Variants in HMMR observed in about 807,000 individuals in gnomAD.
The protein encoded by HMMR is intracellular hyaluronic acid-binding protein.
In HMMR, 108 loss-of-function variants were observed where a neutral mutation model predicts 101.0. The observed-to-expected ratio is 1.07, with a 90% CI of 0.92 to 1.25. HMMR has a LOEUF of 1.25. Ranked by LOEUF, HMMR falls within the 50% of genes most tolerant of loss-of-function variation. The pLI, the probability that HMMR is intolerant of heterozygous loss-of-function variation, is 0.00. For synonymous variants in HMMR, 296 were observed against 276.4 expected (o/e 1.07, Z -0.70); for missense variants, 813 against 788.7 (o/e 1.03, Z -0.37).
At chr5:163,473,042 A>T (rs1758945474) in intron 7 of HMMR, 137 bp from the exon 8 acceptor site, 1 of 497,794 alleles carries the variant, frequency 2.0e-6, no homozygotes. Flanking sequence ...AATTTGAGAA[A>T]TTACATAAAA....
Position 163,475,497 on chromosome 5 carries a change from C to T in HMMR, c.1093C>T (p.Gln365Ter). ...TCTTCATCAGAAGCTCTGTTCTTTT[C>T]AAGAGGAAATGGTTAAAGAGAAGAA... ...SSLHQKLCSF[Q>*]EEMVKEKNLF... The change falls in exon 11 of 18, where the codon CAA becomes TAA. Residue 365 changes from glutamine (Q) to a stop codon, truncating the protein, a stop_gained. Coordinates refer to ENST00000393915, the MANE Select transcript of HMMR (RefSeq NM_001142556.2). LOFTEE classifies it high-confidence loss of function. 1 of 1,606,600 alleles carries T rather than the reference C, an allele frequency of 6.2e-7. No individual in the cohort carries two copies. Among genetic ancestry groups the T allele is most frequent in the East Asian group, 2.2e-5 (1 of 44,596 alleles).
chr5:163,483,183 A>G lies in HMMR; in HGVS notation c.1685+11A>G, dbSNP rs754830047. ...AGATGAAGAAGGAAGGTAATCTATG[A>G]TTAGAACCTGAGTGCCTTGTTAACT... On this transcript the variant is annotated intron_variant, in intron 14 of 17. Transcript: ENST00000393915. 2.5e-6 allele frequency: 4 copies of G among 1,608,750 alleles called. No homozygotes were observed. The African/African-American group carries it at 5.4e-5, about 22-fold the overall frequency.
At chr5:163,475,320 A>G in intron 10 of HMMR, 138 bp from the exon 11 acceptor site, 2 of 487,896 alleles carry the variant, frequency 4.1e-6, no homozygotes, top group Non-Finnish European at 7.3e-6. Flanking sequence ...CAAATATGCT[A>G]TTTCTATATT....
At chr5:163,484,754 C>T (rs994288676) in intron 16 of HMMR, among the ~76,000 whole-genome samples, 4 of 152,096 alleles carry the variant, frequency 2.6e-5, no homozygotes, top group African/African-American at 9.7e-5. Flanking sequence ...TTTCCTAACA[C>T]TCTCCTATCT....
chr5:163,485,225 G>A (rs530351271), intron 16 of HMMR, among the ~76,000 whole-genome samples: 30 of 152,218 alleles, frequency 2.0e-4, no homozygotes, highest in Non-Finnish European at 4.1e-4. Flanking sequence ...GATCGGGTGC[G>A]TTCAGGGTGG....
chr5:163,469,895 C>T (rs1031585918), intron 5 of HMMR, 66 bp downstream of exon 5: 18 of 1,099,024 alleles, frequency 1.6e-5, no homozygotes, highest in East Asian at 2.5e-5. Flanking sequence ...GGGCCGGGCA[C>T]GGTGGCTCAC....
intron 7 of HMMR, 57 bp downstream of exon 7, chr5:163,471,520 C>G (rs1264442107): frequency 1.4e-5 from 16 of 1,151,244 alleles, no homozygotes; most frequent in Admixed American, 1.9e-5. Context: ...TGATTTGAGT[C>G]TCTTCACAAA....
chr5:163,483,426 A>G (rs543148773), intron 15 of HMMR, 59 bp downstream of exon 15: 8 of 943,442 alleles, frequency 8.5e-6, no homozygotes, highest in East Asian at 7.2e-5. Flanking sequence ...TTTGTTCCCT[A>G]TTATAGTGAG....
chr5:163,476,805 A>G (rs1402031717), intron 11 of HMMR, among the ~76,000 whole-genome samples: 3 of 152,210 alleles, frequency 2.0e-5, no homozygotes, highest in Non-Finnish European at 4.4e-5. Flanking sequence ...CAAGGCAGCG[A>G]GATCACAAGG....
In HMMR at chr5:163,474,147, A is replaced by C; in HGVS notation, c.995A>C (p.Glu332Ala). The C allele has an allele frequency of 1.2e-6, 2 of 1,611,090 alleles. No homozygotes were observed. Among genetic ancestry groups the C allele is most frequent in the Non-Finnish European group, 1.7e-6 (2 of 1,178,318 alleles). ...CAGAAGTTTATTCTTGAACAACAGG[A>C]ACGTGAAAAGCTTCAACAAAAAGAA... is the stretch of plus-strand genomic sequence containing the variant. ...LKQKFILEQQEREKLQQKELQ... is the reference protein window; with the variant it reads ...LKQKFILEQQAREKLQQKELQ... Residue 332 changes from glutamate (E) to alanine (A), a missense_variant, in exon 10 of 18, where the codon GAA (glutamate) becomes GCA (alanine). Glu to Ala is a moderately radical substitution (Grantham distance 107). Coordinates refer to ENST00000393915, the MANE Select transcript of HMMR (RefSeq NM_001142556.2).
intron 4 of HMMR, among the ~76,000 whole-genome samples, chr5:163,468,887 G>A (rs1307916867): frequency 1.3e-5 from 2 of 150,636 alleles, no homozygotes; most frequent in African/African-American, 4.9e-5. Context: ...GTTTTTTTTT[G>A]TTTTTTGTTT....
intron 16 of HMMR, among the ~76,000 whole-genome samples, 165 bp downstream of exon 16, chr5:163,484,410 G>A (rs921752371): frequency 6.6e-6 from 1 of 152,020 alleles, no homozygotes. Context: ...TTGACCAGAT[G>A]GGCATTCAAT....
chr5:163,477,070 A>G (rs890269338), intron 11 of HMMR, among the ~76,000 whole-genome samples: 24 of 151,834 alleles, frequency 1.6e-4, no homozygotes, highest in Non-Finnish European at 1.3e-4. Context: ...TTTTTCCCGA[A>G]CTCTAGTTCC....
At chr5:163,461,420 C>A (rs1390201041) in intron 1 of HMMR, among the ~76,000 whole-genome samples, 1 of 152,144 alleles carries the variant, frequency 6.6e-6, no homozygotes, top group Non-Finnish European at 1.5e-5. Flanking sequence ...ACCCAGCCCC[C>A]ATCGTGTGCT....
At chr5:163,485,713 T>C (rs904381697) in intron 16 of HMMR, among the ~76,000 whole-genome samples, 11 of 152,218 alleles carry the variant, frequency 7.2e-5, no homozygotes, top group Non-Finnish European at 1.3e-4. Flanking sequence ...GGTATCTATC[T>C]CCTCTGCCAA....
chr5:163,480,081 A>C (rs541790174), intron 12 of HMMR, among the ~76,000 whole-genome samples: 1 of 152,354 alleles, frequency 6.6e-6, no homozygotes, highest in African/African-American at 2.4e-5. Flanking sequence ...TAAAACTGAC[A>C]TGCATGAACC....
intron 1 of HMMR, among the ~76,000 whole-genome samples, chr5:163,462,811 G>T (rs1482449159): frequency 9.1e-6 from 1 of 109,688 alleles, no homozygotes; most frequent in Non-Finnish European, 1.7e-5. Flanking sequence ...CTAGACAACA[G>T]AGCAAGACTC....
intron 13 of HMMR, 29 bp downstream of exon 13, chr5:163,482,817 C>T (rs1308742296): frequency 6.3e-7 from 1 of 1,591,112 alleles, no homozygotes; most frequent in South Asian, 1.1e-5. Context: ...GGCCTTAGAA[C>T]CATTAAGACA....
At position 163,471,372 on chromosome 5, in the gene HMMR, G is replaced by A. The variant is rs1758885017; in HGVS notation, c.559G>A (p.Ala187Thr). The change falls in exon 7 of 18, where the codon GCT becomes ACT. Residue 187 changes from alanine (A) to threonine (T), a missense_variant. Transcript: ENST00000393915. ...TATCTTTGTTGTGTAGGGTATGATGGCTAAGCAAGAAGGCATGGAGATGAA... is the reference window on the plus strand; with the variant it reads ...TATCTTTGTTGTGTAGGGTATGATGACTAAGCAAGAAGGCATGGAGATGAA... ...KRETKMRGMM[A>T]KQEGMEMKLQ... The A allele has an allele frequency of 6.2e-7, 1 of 1,614,064 alleles. No homozygotes were observed. Among genetic ancestry groups the A allele is most frequent in the East Asian group, 2.2e-5 (1 of 44,866 alleles).
Sources: allele counts gnomAD v4.1 joint callset (sites outside exome capture counted in the v4.1 genomes callset), GRCh38; gene constraint gnomAD v4.1.1; transcripts MANE v1.5; gene names NCBI Gene and HGNC (gene_info 2026-07-23, HGNC 2026-07-21).